The following CSNK1G2 variants were observed in gnomAD, a reference collection of about 807,000 sequenced individuals.
The protein encoded by CSNK1G2 is casein kinase 1 gamma 2.
In CSNK1G2, 11 loss-of-function variants were observed where a neutral mutation model predicts 48.0. The observed-to-expected ratio is 0.23, with a 90% CI of 0.14 to 0.38. The LOEUF is 0.38. CSNK1G2 is among the 10% of genes least tolerant of loss of function. The pLI is 1.00. For synonymous variants in CSNK1G2, 337 were observed against 254.1 expected, an observed-to-expected ratio of 1.33 and a Z score of -3.10; for missense variants, 446 against 595.5, an observed-to-expected ratio of 0.75 and a Z score of 2.61.
intron 1 of CSNK1G2, among the ~76,000 whole-genome samples, chr19:1,945,293 CA>C (rs2014513685): frequency 6.6e-6 from 1 of 152,234 alleles, no homozygotes; most frequent in South Asian, 2.1e-4. Context: ...CGGCAGCACT[CA>C]GGCGGCCCTG....
rs749045334 is a variant in CSNK1G2, at chr19:1,978,852, C to G, written c.448-7C>G. The G allele has an allele frequency of 2.4e-5, 38 of 1,599,642 alleles. No individual in the cohort carries two copies. Among genetic ancestry groups the G allele is most frequent in the African/African-American group, 1.2e-4 (9 of 74,676 alleles). The stretch of plus-strand genomic sequence containing the variant: ...GGCCCGGCCGACACCGCCGTGCCCC[C>G]CTGCAGATCACGCGCATGGAGTATG... On this transcript the variant is annotated splice_polypyrimidine_tract_variant and splice_region_variant and intron_variant, in intron 5 of 11. Coordinates refer to ENST00000255641, the MANE Select transcript of CSNK1G2 (RefSeq NM_001319.7). This position sits in a 1 kb window ranked among gnomAD's most constrained non-coding sequence, Gnocchi z 7.3.
rs748925979 is a variant in CSNK1G2, at chr19:1,980,212, G to A, written c.*9G>A. Reference sequence around the variant, plus strand: ...TGCAGCGACACAAGTGACCCTGGGCGCGTGCAGCCCCCTGAATCTTCTCCG... The same window carrying A: ...TGCAGCGACACAAGTGACCCTGGGCACGTGCAGCCCCCTGAATCTTCTCCG... On this transcript the variant is annotated 3_prime_UTR_variant, in exon 12 of 12. Transcript: ENST00000255641. 5.6e-6 allele frequency: 9 copies of A among 1,612,770 alleles called. No individual in the cohort carries two copies. In the South Asian group the frequency reaches 6.6e-5, roughly 12 times the overall value.
intron 1 of CSNK1G2, among the ~76,000 whole-genome samples, chr19:1,960,844 G>A (rs908674371): frequency 6.6e-6 from 1 of 152,156 alleles, no homozygotes; most frequent in South Asian, 2.1e-4. Context: ...AGCCGAGATC[G>A]CACCACTACA....
rs2145587299 is a variant in CSNK1G2 at position 1,975,390 on chromosome 19, A to G, written c.188-2915A>G. On this transcript the variant is annotated intron_variant, in intron 2 of 11. Transcript: ENST00000255641. ...GACTGACACTTTGCCGGAGAAGGGGACGGCTGCCCGCAGGAAGAGCTACAC... is the reference window on the plus strand; with the variant it reads ...GACTGACACTTTGCCGGAGAAGGGGGCGGCTGCCCGCAGGAAGAGCTACAC... The G allele has an allele frequency of 2.0e-6, 2 of 985,416 alleles. 1 individual carries two copies. Among genetic ancestry groups the G allele is most frequent in the Middle Eastern group, 1.0e-3 (2 of 1,914 alleles). The allele number at this position is 985,416 out of a possible 1,614,324, so 61.0% of individuals were successfully genotyped here.
rs558590061 is a variant in CSNK1G2, at chr19:1,981,287, G to A, written c.*1084G>A. Reference sequence around the variant, plus strand: ...TACGTTTCTCTGATGCTCCCTTGAAGCCATAGAATTTAGGGGCTTTTTTAA... The same window carrying A: ...TACGTTTCTCTGATGCTCCCTTGAAACCATAGAATTTAGGGGCTTTTTTAA... On this transcript the variant is annotated 3_prime_UTR_variant, in exon 12 of 12. Coordinates refer to ENST00000255641, the MANE Select transcript of CSNK1G2 (RefSeq NM_001319.7). 3.9e-4 allele frequency: 59 copies of A among 152,334 alleles called. No homozygotes were observed. Among genetic ancestry groups the A allele is most frequent in the African/African-American group, 1.4e-3 (59 of 41,576 alleles). The allele number at this position is 152,334 out of a possible 1,614,324, so 9.4% of individuals were successfully genotyped here.
At chr19:1,967,508 G>C (rs1599314926) in intron 1 of CSNK1G2, among the ~76,000 whole-genome samples, 1 of 86,848 alleles carries the variant, frequency 1.2e-5, no homozygotes, top group East Asian at 3.6e-4. Context: ...GGCAGGATCT[G>C]TGCAGACAGG....
chr19:1,970,624 C>T (rs550745671), intron 2 of CSNK1G2, among the ~76,000 whole-genome samples: 1 of 152,320 alleles, frequency 6.6e-6, no homozygotes, highest in South Asian at 2.1e-4. Flanking sequence ...CTCTGAGCAC[C>T]TTTGGGGCCG....
In CSNK1G2 at chr19:1,979,491, G is replaced by A. The variant is rs751890447; in HGVS notation, c.854-4G>A. 34 of 1,581,126 alleles carry A rather than the reference G, an allele frequency of 2.2e-5. No individual in the cohort carries two copies. In the African/African-American group the frequency reaches 4.7e-4, roughly 22 times the overall value. On this transcript the variant is annotated splice_region_variant and splice_polypyrimidine_tract_variant and intron_variant, in intron 8 of 11. Coordinates refer to ENST00000255641, the MANE Select transcript of CSNK1G2 (RefSeq NM_001319.7). ...CCGAGGCCCCGCTGGCGCTCTCTCT[G>A]CAGAGGAGATGGCCACGTACCTGCG... is the stretch of plus-strand genomic sequence containing the variant.
chr19:1,945,876 TG>T (rs2014537006), intron 1 of CSNK1G2, among the ~76,000 whole-genome samples: 1 of 150,682 alleles, frequency 6.6e-6, no homozygotes, highest in Non-Finnish European at 1.5e-5. Context: ...GCTGAACTTC[TG>T]GGGCACGCTG....
chr19:1,977,060 G>A (rs974990097), intron 2 of CSNK1G2, among the ~76,000 whole-genome samples: 3 of 152,314 alleles, frequency 2.0e-5, no homozygotes, highest in Non-Finnish European at 2.9e-5. Context: ...ATTCTGCAGC[G>A]TATGCTACTC....
intron 2 of CSNK1G2, chr19:1,975,259 C>T (rs2015713963): frequency 3.0e-6 from 3 of 985,496 alleles, no homozygotes; most frequent in African/African-American, 3.5e-5. Flanking sequence ...GGAGCCACAG[C>T]TGGATGATAC....
Position 1,979,176 on chromosome 19 carries a change from C to G in CSNK1G2, c.696C>G (p.Arg232=). ...NTHLGKEQSR[R]DDLEALGHMF... ...CTGTCCCCGCAGAGCAGAGCCGCCG[C>G]GACGACCTGGAGGCGCTGGGCCACA... The change falls in exon 7 of 12, where the codon CGC becomes CGG. Residue 232 remains arginine (R), a synonymous_variant. Coordinates refer to ENST00000255641, the MANE Select transcript of CSNK1G2 (RefSeq NM_001319.7). 6.5e-7 allele frequency: 1 copy of G among 1,530,196 alleles called. No individual in the cohort carries two copies. The highest frequency in any genetic ancestry group is 8.8e-7 in the Non-Finnish European group (1 of 1,136,498). 94.8% of individuals were successfully genotyped at this position (1,530,196 alleles called of 1,614,324 possible). A position where few individuals can be genotyped will look rare whatever the true frequency, so the allele number is the denominator to read the frequency against.
chr19:1,977,279 C>T (rs1457151848), intron 2 of CSNK1G2, among the ~76,000 whole-genome samples: 1 of 152,208 alleles, frequency 6.6e-6, no homozygotes, highest in African/African-American at 2.4e-5. Context: ...GTGGGGAGCC[C>T]TCCAGGGCCG....
chr19:1,953,330 G>A (rs565798871), intron 1 of CSNK1G2: 9 of 526,582 alleles, frequency 1.7e-5, no homozygotes, highest in South Asian at 7.1e-5. Context: ...CTGAGGTGGC[G>A]CAGGGTTGCT....
intron 2 of CSNK1G2, among the ~76,000 whole-genome samples, chr19:1,977,498 A>T (rs1370137218): frequency 6.6e-6 from 1 of 152,166 alleles, no homozygotes; most frequent in South Asian, 2.1e-4. Flanking sequence ...CCCGCCTGTT[A>T]TCCCAGCCCT....
At chr19:1,977,050 A>G (rs1409567080) in intron 2 of CSNK1G2, among the ~76,000 whole-genome samples, 1 of 152,164 alleles carries the variant, frequency 6.6e-6, no homozygotes, top group Non-Finnish European at 1.5e-5. Flanking sequence ...CAGAGGCCTC[A>G]TTCTGCAGCG....
chr19:1,977,704 G>C (rs887065461), intron 2 of CSNK1G2, among the ~76,000 whole-genome samples: 1 of 142,436 alleles, frequency 7.0e-6, no homozygotes, highest in African/African-American at 2.6e-5. Context: ...AGTGAACTGC[G>C]ATCTCGCCAC....
chr19:1,949,026 G>A (rs76079138), intron 1 of CSNK1G2, among the ~76,000 whole-genome samples: 2,170 of 152,314 alleles, frequency 0.014, 54 homozygotes, highest in African/African-American at 0.048. Context: ...GGGAGGGTGG[G>A]TCTCGCTGTC....
intron 1 of CSNK1G2, among the ~76,000 whole-genome samples, chr19:1,944,873 C>G (rs1383533242): frequency 1.3e-5 from 2 of 152,194 alleles, no homozygotes; most frequent in African/African-American, 2.4e-5. Flanking sequence ...GCCCAGTGAG[C>G]CTCCTCCCTT....
Sources: gnomAD v4.1 joint callset for allele counts (sites outside exome capture counted in the v4.1 genomes callset) on GRCh38, gnomAD v4.1.1 for gene constraint, Gnocchi (gnomAD v3.1) non-coding constraint, MANE v1.5 for transcripts, NCBI Gene and HGNC (gene_info 2026-07-23, HGNC 2026-07-21) for gene names.